Variants in RASA2 observed in about 807,000 individuals in gnomAD.
The protein encoded by RASA2 is ras GTPase-activating protein 2.
RASA2 carries 155 observed loss-of-function variants against 118.2 expected under a neutral mutation model. The ratio of observed to expected loss-of-function variants is 1.31; its 90% confidence interval spans 1.15 to 1.50. The LOEUF is 1.50. RASA2 is among the 40% of genes most tolerant of loss of function. RASA2 has a pLI of 0.00. For synonymous variants in RASA2, 353 were observed against 349.1 expected (o/e 1.01, Z -0.12); for missense variants, 1,016 against 1,009.6 (o/e 1.01, Z -0.09).
At chr3:141,546,014 G>A (rs2151107196) in intron 5 of RASA2, among the ~76,000 whole-genome samples, 1 of 152,178 alleles carries the variant, frequency 6.6e-6, no homozygotes, top group South Asian at 2.1e-4. Context: ...TTCCATCCCT[G>A]TTATTTTGAA....
chr3:141,606,413 T>G (rs1474283354), intron 19 of RASA2, among the ~76,000 whole-genome samples: 1 of 152,212 alleles, frequency 6.6e-6, no homozygotes, highest in Non-Finnish European at 1.5e-5. Flanking sequence ...AATTTCTCAC[T>G]TTCTATCACA....
intron 17 of RASA2, among the ~76,000 whole-genome samples, chr3:141,584,352 A>AG (rs2083165855): frequency 6.7e-6 from 1 of 148,956 alleles, no homozygotes; most frequent in African/African-American, 2.5e-5. Context: ...AAAAAAAAAA[A>AG]AAAGAAAGGA....
rs112021220 is a variant in RASA2, at chr3:141,541,039, C to T, written c.527+430C>T. Among the ~76,000 whole-genome samples the T allele has an allele frequency of 2.1e-3, 324 of 152,206 alleles. 4 individuals carry two copies. The highest frequency in any genetic ancestry group is 7.4e-3 in the African/African-American group (307 of 41,538). On this transcript the variant is annotated intron_variant, in intron 5 of 23. Transcript: ENST00000286364. ...AATTCCTTTTTACCTCTTCCACCCTCAAGTCATTTTTTACCACCCAGACTC... is the reference window on the plus strand; with the variant it reads ...AATTCCTTTTTACCTCTTCCACCCTTAAGTCATTTTTTACCACCCAGACTC...
At chr3:141,609,279 A>T (rs1448757239) in intron 21 of RASA2, 141 bp from the exon 22 acceptor site, 1 of 494,990 alleles carries the variant, frequency 2.0e-6, no homozygotes, top group Non-Finnish European at 3.5e-6. Context: ...CTTTATTTTA[A>T]CTGTCAAATG....
intron 3 of RASA2, among the ~76,000 whole-genome samples, chr3:141,516,679 C>T (rs564892760): frequency 8.5e-5 from 13 of 152,182 alleles, no homozygotes; most frequent in African/African-American, 3.1e-4. Context: ...CCTGATGGTT[C>T]CCTTTCCATG....
intron 1 of RASA2, among the ~76,000 whole-genome samples, chr3:141,500,554 A>T (rs2151072349): frequency 6.6e-6 from 1 of 152,364 alleles, no homozygotes; most frequent in African/African-American, 2.4e-5. Flanking sequence ...TAGTAGTTTT[A>T]CTAATCATAT....
chr3:141,497,826 C>G (rs754362284), intron 1 of RASA2, among the ~76,000 whole-genome samples: 6 of 150,170 alleles, frequency 4.0e-5, no homozygotes, highest in Non-Finnish European at 8.9e-5. Flanking sequence ...GAGCTGAGGT[C>G]GCACCACTGC....
chr3:141,572,690 C>A lies in RASA2; in HGVS notation c.1251C>A (p.Tyr417Ter). 1 of 1,612,252 alleles carries A rather than the reference C, an allele frequency of 6.2e-7. No homozygotes were observed. Reference sequence around the variant, plus strand: ...TGATGAAAATAGTGGGAGGGCACTACCTGAAAGTAACATTAAAACCTATTC... The same window carrying A: ...TGATGAAAATAGTGGGAGGGCACTAACTGAAAGTAACATTAAAACCTATTC... Reference protein sequence around the residue: ...DEMMKIVGGHYLKVTLKPILD... With the variant: ...DEMMKIVGGH The change falls in exon 12 of 24, where the codon TAC becomes TAA. Residue 417 changes from tyrosine (Y) to a stop codon, truncating the protein, a stop_gained. Transcript: ENST00000286364. LOFTEE classifies it high-confidence loss of function.
chr3:141,586,119 GT>G lies in RASA2; in HGVS notation c.1826+22del. 2.6e-6 allele frequency: 4 copies of G among 1,560,432 alleles called. No homozygotes were observed. The South Asian group carries it at 3.4e-5, about 13-fold the overall frequency. On this transcript the variant is annotated intron_variant, in intron 18 of 23. Coordinates refer to ENST00000286364, the MANE Select transcript of RASA2 (RefSeq NM_006506.5). ...GAAGGGTAATTTAATCAAATTAGACGTGAAAGTCATATATCAGTATAGATAT... is the reference window on the plus strand; with the variant it reads ...GAAGGGTAATTTAATCAAATTAGACGGAAAGTCATATATCAGTATAGATAT...
At chr3:141,500,471 A>G (rs889080510) in intron 1 of RASA2, among the ~76,000 whole-genome samples, 9 of 152,218 alleles carry the variant, frequency 5.9e-5, no homozygotes, top group African/African-American at 1.9e-4. Flanking sequence ...TGTTTAAAGC[A>G]TGGTTTTCTG....
At chr3:141,529,683 A>T in intron 3 of RASA2, 25 bp from the exon 4 acceptor site, 1 of 1,515,768 alleles carries the variant, frequency 6.6e-7, no homozygotes, top group South Asian at 1.1e-5. Context: ...ATGTTTTCTT[A>T]TATTGTTTTA....
intron 4 of RASA2, among the ~76,000 whole-genome samples, chr3:141,533,512 T>C (rs577500696): frequency 6.6e-4 from 100 of 152,294 alleles, no homozygotes; most frequent in African/African-American, 2.3e-3. Flanking sequence ...AGAAATGTAA[T>C]TTAGCTTTCC....
At position 141,586,756 on chromosome 3, in the gene RASA2, G is replaced by A; in HGVS notation, c.1933+4G>A. 6.2e-7 allele frequency: 1 copy of A among 1,602,600 alleles called. No individual in the cohort carries two copies. ...CTCACCTACCACAAACAGCCAGGTA[G>A]TTGTGTTTATGCTTTATTGTGGGGT... On this transcript the variant is annotated splice_donor_region_variant and intron_variant, in intron 19 of 23. Coordinates refer to ENST00000286364, the MANE Select transcript of RASA2 (RefSeq NM_006506.5).
chr3:141,575,384 C>G (rs1010442871), intron 14 of RASA2, among the ~76,000 whole-genome samples: 2 of 152,142 alleles, frequency 1.3e-5, no homozygotes, highest in Admixed American at 1.3e-4. Flanking sequence ...ATCTTCATAA[C>G]AAAAATAAGG....
At chr3:141,540,471 A>T in intron 4 of RASA2, 62 bp from the exon 5 acceptor site, 1 of 1,370,764 alleles carries the variant, frequency 7.3e-7, no homozygotes, top group Non-Finnish European at 1.0e-6. Context: ...GAAAAGGCAC[A>T]TACCTTTAAT....
chr3:141,535,777 G>A lies in RASA2; in HGVS notation c.451-4756G>A, dbSNP rs546082764. On this transcript the variant is annotated intron_variant, in intron 4 of 23. Coordinates refer to ENST00000286364, the MANE Select transcript of RASA2 (RefSeq NM_006506.5). ...CTCACATGAACTAACTAAGCAAGAC[G>A]CACTTATCACCAAGGGGGTGGCACT... Among the ~76,000 whole-genome samples the A allele has an allele frequency of 9.2e-5, 14 of 152,072 alleles. 1 individual carries two copies. Among genetic ancestry groups the A allele is most frequent in the Admixed American group, 5.9e-4 (9 of 15,266 alleles).
intron 19 of RASA2, among the ~76,000 whole-genome samples, chr3:141,604,953 TAA>T (rs981310739): frequency 2.7e-5 from 4 of 150,452 alleles, no homozygotes; most frequent in African/African-American, 9.7e-5. Context: ...TGAACAGGAA[TAA>T]AAAAAAATGT....
intron 3 of RASA2, 141 bp from the exon 4 acceptor site, chr3:141,529,567 C>A: frequency 2.0e-6 from 1 of 491,668 alleles, no homozygotes; most frequent in Non-Finnish European, 3.3e-6. Context: ...AGAAAAAATG[C>A]TTTATAAAAA....
chr3:141,609,583 T>C, intron 22 of RASA2, 60 bp downstream of exon 22: 1 of 1,284,156 alleles, frequency 7.8e-7, no homozygotes. Flanking sequence ...CCTAAAGTAT[T>C]GCTTTAGCAT....
Sources: allele counts gnomAD v4.1 joint callset (sites outside exome capture counted in the v4.1 genomes callset), GRCh38; gene constraint gnomAD v4.1.1; transcripts MANE v1.5; gene names NCBI Gene and HGNC (gene_info 2026-07-23, HGNC 2026-07-21).